RANBP2: variants seen among roughly 807,000 people sequenced by gnomAD.
The protein encoded by RANBP2 is RAN binding protein 2.
In RANBP2, 57 loss-of-function variants were observed where a neutral mutation model predicts 303.6. That is an observed-to-expected ratio of 0.19 (90% CI 0.15 to 0.23). The LOEUF (loss-of-function observed/expected upper bound fraction) is 0.23, where lower values mean the gene tolerates loss of function less well. RANBP2 is among the 10% of genes least tolerant of loss of function. The pLI is 1.00. For missense variants in RANBP2, 3,138 were observed against 3,780.8 expected (o/e 0.83, Z 4.46); for synonymous variants, 1,167 against 1,301.5 (o/e 0.90, Z 2.23).
At chr2:109,046,528 T>A in the RANBP2 span, among the ~76,000 whole-genome samples, 1 of 150,860 alleles carries the variant, frequency 6.6e-6, no homozygotes, top group African/African-American at 2.4e-5. Flanking sequence ...TGCCTCAGCC[T>A]CCCAGGTAGC....
chr2:109,166,739 T>C, the RANBP2 span, among the ~76,000 whole-genome samples: 1 of 152,230 alleles, frequency 6.6e-6, no homozygotes, highest in African/African-American at 2.4e-5. Context: ...CCACATCTTA[T>C]TGGTGATTGC....
At chr2:109,623,987 C>A in the RANBP2 span, among the ~76,000 whole-genome samples, 1 of 152,298 alleles carries the variant, frequency 6.6e-6, no homozygotes, top group East Asian at 1.9e-4. Flanking sequence ...TTTAATTTTA[C>A]AACAACGTGA....
the RANBP2 span, among the ~76,000 whole-genome samples, chr2:109,044,936 A>G: frequency 6.6e-6 from 1 of 152,226 alleles, no homozygotes; most frequent in Non-Finnish European, 1.5e-5. Context: ...AAGTCTTCGT[A>G]AGGATTATTA....
the RANBP2 span, among the ~76,000 whole-genome samples, chr2:109,669,874 G>T: frequency 4.9e-5 from 1 of 20,358 alleles, no homozygotes; most frequent in Admixed American, 3.0e-4. Context: ...CCCACCCCCC[G>T]TGCCCTGGAT....
At chr2:108,762,060 A>C in intron 18 of RANBP2, 41 bp from the exon 19 acceptor site, 1 of 1,595,812 alleles carries the variant, frequency 6.3e-7, no homozygotes, top group Non-Finnish European at 8.5e-7. Flanking sequence ...TGTAGTATAG[A>C]CTTTAACAGT....
chr2:109,077,752 G>A, the RANBP2 span, among the ~76,000 whole-genome samples: 1 of 149,694 alleles, frequency 6.7e-6, no homozygotes, highest in Non-Finnish European at 1.5e-5. Flanking sequence ...ATCAAAACTA[G>A]AATGAGATTT....
At chr2:109,051,083 C>T in the RANBP2 span, among the ~76,000 whole-genome samples, 1 of 152,186 alleles carries the variant, frequency 6.6e-6, no homozygotes, top group Non-Finnish European at 1.5e-5. Flanking sequence ...GAAATGCATG[C>T]TTCCTTATAT....
chr2:109,307,012 C>T, the RANBP2 span, among the ~76,000 whole-genome samples: 180 of 152,296 alleles, frequency 1.2e-3, no homozygotes, highest in Admixed American at 3.4e-3. Flanking sequence ...TGAGGGCACA[C>T]ATTATTATGG....
chr2:108,740,966 T>TTAC (rs1696032220), intron 7 of RANBP2, among the ~76,000 whole-genome samples: 1 of 152,142 alleles, frequency 6.6e-6, no homozygotes, highest in Non-Finnish European at 1.5e-5. Context: ...TTTGGGAACA[T>TTAC]GATAAAGATG....
the RANBP2 span, among the ~76,000 whole-genome samples, chr2:108,799,556 T>C: frequency 6.6e-6 from 1 of 152,218 alleles, no homozygotes; most frequent in African/African-American, 2.4e-5. Context: ...ATTTTATGAT[T>C]TTTCTTTATC....
the RANBP2 span, among the ~76,000 whole-genome samples, chr2:108,841,572 T>G: frequency 6.6e-6 from 1 of 152,220 alleles, no homozygotes; most frequent in Admixed American, 6.5e-5. Flanking sequence ...CTGGCTTCAT[T>G]TGATTCATGT....
chr2:109,508,291 C>T, the RANBP2 span, among the ~76,000 whole-genome samples: 6 of 152,162 alleles, frequency 3.9e-5, no homozygotes, highest in African/African-American at 1.4e-4. Flanking sequence ...TTGATAGCGC[C>T]TGAGGTGTCA....
At chr2:109,678,945 C>T in the RANBP2 span, among the ~76,000 whole-genome samples, 28 of 152,294 alleles carry the variant, frequency 1.8e-4, no homozygotes, top group Non-Finnish European at 3.2e-4. Context: ...AGGCGCTGCC[C>T]ACACCCTGAG....
the RANBP2 span, among the ~76,000 whole-genome samples, chr2:108,992,025 C>A: frequency 6.6e-6 from 1 of 152,102 alleles, no homozygotes; most frequent in African/African-American, 2.4e-5. Flanking sequence ...GTCTCGAACT[C>A]CTGACTTCAA....
chr2:109,520,250 G>A, the RANBP2 span, among the ~76,000 whole-genome samples: 8 of 152,176 alleles, frequency 5.3e-5, no homozygotes, highest in Non-Finnish European at 1.2e-4. Flanking sequence ...GGAGGAGTTA[G>A]ACCTGAATTC....
the RANBP2 span, among the ~76,000 whole-genome samples, chr2:109,121,358 T>C: frequency 6.6e-6 from 1 of 152,330 alleles, no homozygotes; most frequent in East Asian, 1.9e-4. Context: ...AAAGTCTTAA[T>C]TTTAACTCCT....
the RANBP2 span, among the ~76,000 whole-genome samples, chr2:109,038,037 C>T: frequency 3.9e-5 from 6 of 152,214 alleles, no homozygotes; most frequent in Non-Finnish European, 7.3e-5. Flanking sequence ...CAGTCTATCT[C>T]ACTGTGTAGC....
At chr2:109,168,067 A>G in the RANBP2 span, among the ~76,000 whole-genome samples, 2 of 152,206 alleles carry the variant, frequency 1.3e-5, no homozygotes, top group African/African-American at 4.8e-5. Context: ...CATTTACTAA[A>G]ATGAAATCAT....
At chr2:109,378,006 C>T in the RANBP2 span, among the ~76,000 whole-genome samples, 756 of 152,354 alleles carry the variant, frequency 5.0e-3, 4 homozygotes, top group Middle Eastern at 0.014. Flanking sequence ...TGAGCAGCTC[C>T]GCCGTGTTGG....
Sources: allele counts gnomAD v4.1 joint callset (sites outside exome capture counted in the v4.1 genomes callset), GRCh38; gene constraint gnomAD v4.1.1; transcripts MANE v1.5; gene names NCBI Gene and HGNC (gene_info 2026-07-23, HGNC 2026-07-21).